SYT12: variants seen among roughly 807,000 people sequenced by gnomAD.
The protein encoded by SYT12 is synaptotagmin 12, also known as synaptotagmin-12.
In SYT12, 27 loss-of-function variants were observed where a neutral mutation model predicts 39.5. The ratio of observed to expected loss-of-function variants is 0.68; its 90% CI spans 0.50 to 0.94. SYT12 has a LOEUF of 0.94. Ranked by LOEUF, SYT12 falls within the 40% of genes least tolerant of loss-of-function variation. The probability of loss-of-function intolerance (pLI) is 0.00; values close to 1 mark genes in which losing one functional copy is unlikely to be tolerated. For synonymous variants in SYT12, 233 were observed against 239.7 expected (o/e 0.97, Z 0.26); for missense variants, 536 against 572.6 (o/e 0.94, Z 0.65).
chr11:67,016,096 C>T (rs2095409777), intron 3 of SYT12, among the ~76,000 whole-genome samples: 1 of 152,136 alleles, frequency 6.6e-6, no homozygotes, highest in Non-Finnish European at 1.5e-5. Context: ...GCCTGACCAA[C>T]ATGGTGAAAC....
chr11:67,016,579 A>G (rs1247634838), intron 3 of SYT12, among the ~76,000 whole-genome samples: 2 of 152,204 alleles, frequency 1.3e-5, no homozygotes, highest in Admixed American at 6.5e-5. Context: ...AGTGTATATT[A>G]TCCAAAAAAA....
chr11:67,030,849 G>C (rs1950251828), intron 2 of SYT12: 1 of 152,372 alleles, frequency 6.6e-6, no homozygotes, highest in South Asian at 2.1e-4. Context: ...AAACATACCA[G>C]CCGTCTTTTC....
rs1196494440 is a variant in SYT12, at chr11:67,037,308, G to A, written c.228+2470G>A. Among the ~76,000 whole-genome samples the A allele has an allele frequency of 3.9e-5, 6 of 152,102 alleles. No individual in the cohort carries two copies. In the East Asian group the frequency reaches 9.6e-4, roughly 24 times the overall value. ...GATTTTAAGAAGGCTATTCAGTACT[G>A]CAGTATTTGTATTTCTGAAAAAGTA... On this transcript the variant is annotated intron_variant, in intron 3 of 7. Transcript: ENST00000527043.
At position 67,013,881 on chromosome 11, in the gene SYT12, G is replaced by A. The variant is rs543010991; in HGVS notation, c.-69+2887G>A. 2.0e-5 allele frequency among the ~76,000 whole-genome samples: 3 copies of A among 152,306 alleles called. No individual in the cohort carries two copies. In the South Asian group the frequency reaches 6.2e-4, roughly 32 times the overall value. On this transcript the variant is annotated intron_variant, in intron 3 of 10. Coordinates refer to the SYT12 transcript ENST00000393946. ...GGCCAGAGCCCAGAATCAAGGTGTT[G>A]GCAGGGCTGGTTCCCTCCAGACGCT...
intron 6 of SYT12, among the ~76,000 whole-genome samples, chr11:67,044,996 A>C (rs2136232350): frequency 6.6e-6 from 1 of 151,596 alleles, no homozygotes; most frequent in Middle Eastern, 3.4e-3. Context: ...AGGAGGCCGC[A>C]CTCAGGGCTG....
Position 67,048,796 on chromosome 11 carries a change from G to A in SYT12, c.*39G>A. On this transcript the variant is annotated 3_prime_UTR_variant, in exon 8 of 8. Transcript: ENST00000527043. ...CCAGTTGGGCAATGGAGCTGCTGGAGCCCGGTACCCACTCAGCTCTGTCTG... is the reference window on the plus strand; with the variant it reads ...CCAGTTGGGCAATGGAGCTGCTGGAACCCGGTACCCACTCAGCTCTGTCTG... 8 of 1,575,214 alleles carry A rather than the reference G, an allele frequency of 5.1e-6. No individual in the cohort carries two copies. Among genetic ancestry groups the A allele is most frequent in the Non-Finnish European group, 6.9e-6 (8 of 1,155,686 alleles).
Position 67,040,045 on chromosome 11 carries a change from C to T in SYT12, c.463C>T (p.Gln155Ter), listed in dbSNP as rs765697323. ...CTTTGGGCAGGACTTCACACTGGGC[C>T]AGGTGGAGGTGAGCATGGAGTACGA... ...NTFGQDFTLGQVEVSMEYDTA... is the reference protein window; with the variant it reads ...NTFGQDFTLG Residue 155 changes from glutamine to a stop codon, truncating the protein, a stop_gained, in exon 4 of 8, where the codon CAG becomes TAG. Coordinates refer to ENST00000527043, the MANE Select transcript of SYT12 (RefSeq NM_177963.4). LOFTEE classifies it high-confidence loss of function. The T allele has an allele frequency of 1.9e-6, 3 of 1,613,850 alleles. No homozygotes were observed. The highest frequency in any genetic ancestry group is 2.5e-6 in the Non-Finnish European group (3 of 1,180,034).
At chr11:67,044,734 C>T (rs765471152) in intron 6 of SYT12, 21 bp downstream of exon 6, 29 of 1,612,958 alleles carry the variant, frequency 1.8e-5, no homozygotes, top group African/African-American at 5.3e-5. Context: ...GCCGGCAGCC[C>T]GGCTCCTCCA....
chr11:67,025,015 G>C (rs1950162397), intron 1 of SYT12, among the ~76,000 whole-genome samples: 1 of 152,220 alleles, frequency 6.6e-6, no homozygotes, highest in East Asian at 1.9e-4. Context: ...GCTGGGGGAA[G>C]TGGGGGGCTC....
intron 5 of SYT12, 38 bp downstream of exon 5, chr11:67,043,891 T>G: frequency 6.3e-7 from 1 of 1,578,400 alleles, no homozygotes; most frequent in Non-Finnish European, 8.7e-7. Flanking sequence ...CGGAAGAGCG[T>G]GCACACACAT....
At chr11:67,032,374 C>T (rs1950285367) in intron 2 of SYT12, 3 of 152,260 alleles carry the variant, frequency 2.0e-5, no homozygotes, top group Admixed American at 2.0e-4. Context: ...TCATCCCAGA[C>T]ACAAAACCTG....
At position 67,044,416 on chromosome 11, in the gene SYT12, G is replaced by A. The variant is rs188847489; in HGVS notation, c.838-177G>A. 1.9e-3 allele frequency among the ~76,000 whole-genome samples: 295 copies of A among 152,246 alleles called. 1 individual carries two copies. The highest frequency in any genetic ancestry group is 3.4e-3 in the Middle Eastern group (1 of 294). ...TCCATGCAGTGGCGGGGGGTGGGTGGCTGTCCCTTTCTCCAGGCTGTCCCT... is the reference window on the plus strand; with the variant it reads ...TCCATGCAGTGGCGGGGGGTGGGTGACTGTCCCTTTCTCCAGGCTGTCCCT... On this transcript the variant is annotated intron_variant, in intron 5 of 7. Coordinates refer to ENST00000527043, the MANE Select transcript of SYT12 (RefSeq NM_177963.4).
upstream of SYT12, among the ~76,000 whole-genome samples, chr11:67,020,158 G>C (rs1432453447): frequency 1.3e-5 from 2 of 152,150 alleles, no homozygotes; most frequent in Non-Finnish European, 2.9e-5. Context: ...TTTGCTCGGA[G>C]GAGGTGACTT....
Position 67,048,870 on chromosome 11 carries a change from G to T in SYT12, c.*113G>T. 7.9e-7 allele frequency: 1 copy of T among 1,271,284 alleles called. No individual in the cohort carries two copies. Among genetic ancestry groups the T allele is most frequent in the African/African-American group, 1.5e-5 (1 of 68,130 alleles). The allele number at this position is 1,271,284 out of a possible 1,614,324, so 78.8% of individuals were successfully genotyped here. The stretch of plus-strand genomic sequence containing the variant: ...GAGCCGTGAACACTGGGGTCCCCTG[G>T]CAGAGTCCTCATGACCCATCCTGGT... On this transcript the variant is annotated 3_prime_UTR_variant, in exon 8 of 8. Coordinates refer to ENST00000527043, the MANE Select transcript of SYT12 (RefSeq NM_177963.4).
intron 3 of SYT12, among the ~76,000 whole-genome samples, chr11:67,013,741 C>T (rs1950032193): frequency 6.6e-6 from 1 of 152,270 alleles, no homozygotes. Flanking sequence ...GCTCAGCGCC[C>T]TTAGCACAGG....
At chr11:67,015,065 TTAAA>T (rs1182890530) in intron 3 of SYT12, among the ~76,000 whole-genome samples, 2 of 152,230 alleles carry the variant, frequency 1.3e-5, no homozygotes, top group Non-Finnish European at 2.9e-5. Flanking sequence ...GGTGTGCACC[TTAAA>T]TAAACTCCTT....
rs760420366 is a variant in SYT12 at position 67,034,730 on chromosome 11, G to A, written c.120G>A (p.Trp40Ter). The A allele has an allele frequency of 6.2e-7, 1 of 1,603,822 alleles. No homozygotes were observed. The highest frequency in any genetic ancestry group is 8.5e-7 in the Non-Finnish European group (1 of 1,176,208). ...TGGGAATCGCAGCTGTGAGCCTGTG[G>A]AAGCTCTGGACGTCGGGGAGCTTCC... ...ALLGIAAVSL[W>*]KLWTSGSFPS... Residue 40 changes from tryptophan (W) to a stop codon, truncating the protein, a stop_gained, in exon 3 of 8, where the codon TGG (tryptophan) becomes TGA (stop). Transcript: ENST00000527043. LOFTEE classifies it high-confidence loss of function.
intron 7 of SYT12, 28 bp from the exon 8 acceptor site, chr11:67,048,556 C>T: frequency 6.3e-7 from 1 of 1,584,718 alleles, no homozygotes; most frequent in Non-Finnish European, 8.6e-7. Context: ...GCCCCTGGTC[C>T]TCAGCACCCA....
At chr11:67,035,441 C>CT (rs201365423) in intron 3 of SYT12, among the ~76,000 whole-genome samples, 1 of 129,956 alleles carries the variant, frequency 7.7e-6, no homozygotes, top group South Asian at 2.3e-4. Flanking sequence ...TTTTCTTTTT[C>CT]TTTTTCTTTT....
Sources: gnomAD v4.1 joint callset for allele counts (sites outside exome capture counted in the v4.1 genomes callset) on GRCh38, gnomAD v4.1.1 for gene constraint, MANE v1.5 for transcripts, NCBI Gene and HGNC (gene_info 2026-07-23, HGNC 2026-07-21) for gene names.